NPTN: variants seen among roughly 807,000 people sequenced by gnomAD.
The protein encoded by NPTN is SDR-1.
A neutral mutation model predicts 42.7 loss-of-function variants in NPTN; 5 were observed. That is an observed-to-expected ratio of 0.12 (90% CI 0.06 to 0.25). The LOEUF is 0.25. Among genes scored for constraint, NPTN ranks in the 10% least tolerant of loss-of-function variants. The pLI, the probability that NPTN is intolerant of heterozygous loss-of-function variation, is 1.00. For synonymous variants in NPTN, 180 were observed against 201.9 expected (o/e 0.89, Z 0.92); for missense variants, 307 against 525.4 (o/e 0.58, Z 4.06).
At position 73,561,959 on chromosome 15, in the gene NPTN, G is replaced by A. The variant is rs1255402144; in HGVS notation, c.1148C>T (p.Ser383Phe). The change falls in exon 8 of 9, where the codon TCT becomes TTT. Residue 383 changes from serine to phenylalanine, a missense_variant. Coordinates refer to ENST00000345330, the MANE Select transcript of NPTN (RefSeq NM_012428.4). The part of the protein sequence containing the change: ...DEPAGPMKTN[S>F]TNNHKDKNLR... The stretch of plus-strand genomic sequence containing the variant: ...GTTTTTATCTTTGTGATTGTTGGTA[G>A]AGTTGGTTTTCCTTTGGAGGAAAAA... The A allele has an allele frequency of 1.9e-6, 3 of 1,595,232 alleles. No individual in the cohort carries two copies. The highest frequency in any genetic ancestry group is 2.6e-6 in the Non-Finnish European group (3 of 1,174,900).
chr15:73,576,585 TC>T (rs1268075375), intron 4 of NPTN, among the ~76,000 whole-genome samples: 4 of 152,166 alleles, frequency 2.6e-5, no homozygotes, highest in African/African-American at 9.7e-5. Flanking sequence ...CGCCTCAGCC[TC>T]CCAAAGTGCT....
intron 1 of NPTN, among the ~76,000 whole-genome samples, chr15:73,630,185 A>G (rs540866328): frequency 1.1e-3 from 175 of 152,354 alleles, no homozygotes; most frequent in African/African-American, 4.2e-3. Flanking sequence ...GGGAATGGAC[A>G]TGATTGTAAT....
chr15:73,624,269 A>G (rs919682352), intron 1 of NPTN, among the ~76,000 whole-genome samples: 3 of 152,234 alleles, frequency 2.0e-5, no homozygotes, highest in African/African-American at 7.2e-5. Context: ...TAATTCAATG[A>G]CAGTTCACTG....
chr15:73,623,184 T>C (rs1898219276), intron 1 of NPTN, among the ~76,000 whole-genome samples: 2 of 152,260 alleles, frequency 1.3e-5, no homozygotes, highest in South Asian at 4.1e-4. Context: ...CTTCTTTGTA[T>C]TCAACACGTA....
chr15:73,565,629 C>G (rs564427005), intron 6 of NPTN: 3 of 388,350 alleles, frequency 7.7e-6, no homozygotes, highest in African/African-American at 6.2e-5. Flanking sequence ...CCCAAACCCT[C>G]AGGCCAAAAG....
chr15:73,608,607 T>C (rs1897400763), intron 1 of NPTN, among the ~76,000 whole-genome samples: 1 of 143,766 alleles, frequency 7.0e-6, no homozygotes, highest in Admixed American at 6.8e-5. Context: ...ATGACAGGTA[T>C]CCTGTAAGCT....
intron 4 of NPTN, among the ~76,000 whole-genome samples, chr15:73,576,234 G>C (rs887558344): frequency 6.6e-6 from 1 of 152,232 alleles, no homozygotes; most frequent in African/African-American, 2.4e-5. Flanking sequence ...TGTCAGACTG[G>C]TTGGGTAAGG....
At chr15:73,629,468 G>T (rs1056953047) in intron 1 of NPTN, among the ~76,000 whole-genome samples, 8 of 151,530 alleles carry the variant, frequency 5.3e-5, no homozygotes, top group Non-Finnish European at 8.8e-5. Flanking sequence ...CTAAACCACT[G>T]AAGCAAACAG....
rs751588661 is a variant in NPTN at position 73,597,322 on chromosome 15, C to T, written c.139G>A (p.Ala47Thr). The T allele has an allele frequency of 4.5e-5, 72 of 1,613,458 alleles. No individual in the cohort carries two copies. Among genetic ancestry groups the T allele is most frequent in the Non-Finnish European group, 5.8e-5 (69 of 1,179,944 alleles). Residue 47 changes from alanine (A) to threonine (T), a missense_variant, in exon 2 of 9, where the codon GCC becomes ACC. Physicochemically the swap from Ala to Thr is moderately conservative, Grantham distance 58. Transcript: ENST00000345330. The surrounding 1 kb of genome is among the most constrained non-coding windows in gnomAD (Gnocchi z 6.3). ...PMSETKLTGD[A>T]FELYCDVVGS... ...ACCACGTCACAGTACAGCTCAAAGGCGTCCCCCGTGAGCTTAGTTTCTGAC... is the reference window on the plus strand; with the variant it reads ...ACCACGTCACAGTACAGCTCAAAGGTGTCCCCCGTGAGCTTAGTTTCTGAC...
At chr15:73,602,441 C>T (rs560249486) in intron 1 of NPTN, among the ~76,000 whole-genome samples, 2 of 152,290 alleles carry the variant, frequency 1.3e-5, no homozygotes, top group African/African-American at 2.4e-5. Flanking sequence ...AAATCGTCTA[C>T]CTCAAAATAA....
chr15:73,578,290 GA>G (rs1346001823), intron 4 of NPTN, among the ~76,000 whole-genome samples: 1 of 152,076 alleles, frequency 6.6e-6, no homozygotes, highest in Non-Finnish European at 1.5e-5. Context: ...GCTACTATGT[GA>G]ACAAGAACTG....
intron 4 of NPTN, 145 bp from the exon 5 acceptor site, chr15:73,573,940 A>G: frequency 1.9e-6 from 2 of 1,066,490 alleles, no homozygotes; most frequent in Non-Finnish European, 2.6e-6. Context: ...AGAGCATTTC[A>G]GGTCAGAATA....
Position 73,630,888 on chromosome 15 carries a change from G to C in NPTN, c.91+2237C>G, listed in dbSNP as rs116837848. Among the ~76,000 whole-genome samples the C allele has an allele frequency of 9.9e-3, 1,506 of 152,226 alleles. 24 individuals carry two copies. Among genetic ancestry groups the C allele is most frequent in the African/African-American group, 0.034 (1,431 of 41,508 alleles). On this transcript the variant is annotated intron_variant, in intron 1 of 8. Transcript: ENST00000345330. ...ATGTTATATAGAAAGCTATAAAATG[G>C]CATCCATAACTATAGGAACTCAAAC...
chr15:73,578,946 T>G (rs1895839064), intron 4 of NPTN, among the ~76,000 whole-genome samples: 1 of 139,948 alleles, frequency 7.1e-6, no homozygotes, highest in Non-Finnish European at 1.5e-5. Context: ...TAAGCCAAGA[T>G]CATGCCATTG....
intron 1 of NPTN, among the ~76,000 whole-genome samples, chr15:73,609,834 A>G (rs1897484597): frequency 6.6e-6 from 1 of 152,196 alleles, no homozygotes; most frequent in African/African-American, 2.4e-5. Flanking sequence ...TATATATACA[A>G]TGTGTAATGA....
At position 73,580,405 on chromosome 15, in the gene NPTN, TA is replaced by T. The variant is rs1489937287; in HGVS notation, c.707-6611del. Among the ~76,000 whole-genome samples the T allele has an allele frequency of 1.2e-4, 12 of 103,526 alleles. 1 individual carries two copies. The highest frequency in any genetic ancestry group is 5.0e-4 in the African/African-American group (12 of 23,810). 67.9% of individuals were successfully genotyped at this position (103,526 alleles called of 152,430 possible). A position where few individuals can be genotyped will look rare whatever the true frequency, so the allele number is the denominator to read the frequency against. On this transcript the variant is annotated intron_variant, in intron 4 of 8. Coordinates refer to ENST00000345330, the MANE Select transcript of NPTN (RefSeq NM_012428.4). The stretch of plus-strand genomic sequence containing the variant: ...AAAACTTTAAAATATATATATTATA[TA>T]TATAATATATATATAATATATATAT...
chr15:73,609,674 AC>A (rs969233293), intron 1 of NPTN, among the ~76,000 whole-genome samples: 3 of 152,238 alleles, frequency 2.0e-5, no homozygotes, highest in Non-Finnish European at 2.9e-5. Context: ...AAGAATCCTT[AC>A]CTTCTGAGAA....
At position 73,568,791 on chromosome 15, in the gene NPTN, C is replaced by G. The variant is rs1365217395; in HGVS notation, c.1114+1359G>C. On this transcript the variant is annotated intron_variant, in intron 6 of 8. Transcript: ENST00000345330. ...CTGAGTGCACATCTGGAGGGAGTCACCAGATATTGTCAGTGTCATCAACAA... is the reference window on the plus strand; with the variant it reads ...CTGAGTGCACATCTGGAGGGAGTCAGCAGATATTGTCAGTGTCATCAACAA... 3.0e-6 allele frequency: 3 copies of G among 985,338 alleles called. No homozygotes were observed. In the Admixed American group the frequency reaches 1.8e-4, roughly 61 times the overall value. The allele number at this position is 985,338 out of a possible 1,614,324, so 61.0% of individuals were successfully genotyped here.
chr15:73,591,390 T>C (rs1461303865), intron 3 of NPTN, among the ~76,000 whole-genome samples: 1 of 152,210 alleles, frequency 6.6e-6, no homozygotes, highest in Non-Finnish European at 1.5e-5. Context: ...AATATTTGGG[T>C]GCTGGGTAAC....
Sources: gnomAD v4.1 joint callset for allele counts (sites outside exome capture counted in the v4.1 genomes callset) on GRCh38, gnomAD v4.1.1 for gene constraint, Gnocchi (gnomAD v3.1) non-coding constraint, MANE v1.5 for transcripts, NCBI Gene and HGNC (gene_info 2026-07-23, HGNC 2026-07-21) for gene names.